The following KLF12 variants were observed in gnomAD, a reference collection of about 807,000 sequenced individuals.
The protein encoded by KLF12 is Krueppel-like factor 12.
KLF12 carries 9 observed loss-of-function variants against 37.8 expected under a neutral mutation model. The ratio of observed to expected loss-of-function variants is 0.24; its 90% CI spans 0.14 to 0.42. The LOEUF is 0.42. Ranked by LOEUF, KLF12 falls within the 10% of genes least tolerant of loss-of-function variation. The probability of loss-of-function intolerance (pLI) is 1.00; values close to 1 mark genes in which losing one functional copy is unlikely to be tolerated. For synonymous variants in KLF12, 208 were observed against 202.1 expected (o/e 1.03, Z -0.25); for missense variants, 411 against 516.0 (o/e 0.80, Z 1.97).
chr13:73,717,510 G>T (rs774824804), intron 6 of KLF12, among the ~76,000 whole-genome samples: 3 of 152,134 alleles, frequency 2.0e-5, no homozygotes, highest in African/African-American at 7.2e-5. Flanking sequence ...TTCTGCACAC[G>T]TGTCTTCAGA....
At chr13:74,220,719 C>T in the KLF12 span, among the ~76,000 whole-genome samples, 7 of 152,314 alleles carry the variant, frequency 4.6e-5, no homozygotes, top group Non-Finnish European at 8.8e-5. Context: ...CTCCTCTCTG[C>T]TTCTATGAAA....
chr13:74,210,905 G>T, the KLF12 span, among the ~76,000 whole-genome samples: 1 of 152,020 alleles, frequency 6.6e-6, no homozygotes, highest in Non-Finnish European at 1.5e-5. Flanking sequence ...TTTCAATCTG[G>T]CTTTCACATT....
chr13:73,700,619 C>T (rs991292214), intron 7 of KLF12, among the ~76,000 whole-genome samples: 21 of 151,874 alleles, frequency 1.4e-4, no homozygotes, highest in South Asian at 2.1e-4. Context: ...ATTCTCTCCT[C>T]AAAATTAGAG....
intron 5 of KLF12, among the ~76,000 whole-genome samples, chr13:73,769,477 T>C (rs1231663483): frequency 6.6e-6 from 1 of 152,174 alleles, no homozygotes; most frequent in East Asian, 1.9e-4. Flanking sequence ...CCTCCTCTCA[T>C]TCTTTCAAAC....
At chr13:74,090,511 C>T (rs1027779945) in intron 1 of KLF12, among the ~76,000 whole-genome samples, 3 of 152,112 alleles carry the variant, frequency 2.0e-5, no homozygotes, top group Non-Finnish European at 4.4e-5. Flanking sequence ...CTATCAAAAT[C>T]GACAAGCTGA....
At chr13:73,978,930 T>C (rs2138163624) in intron 2 of KLF12, among the ~76,000 whole-genome samples, 1 of 152,322 alleles carries the variant, frequency 6.6e-6, no homozygotes, top group South Asian at 2.1e-4. Context: ...CTACACACTA[T>C]TATAATTCCA....
At chr13:74,057,967 ATT>A (rs11418994) in intron 1 of KLF12, among the ~76,000 whole-genome samples, 34 of 141,656 alleles carry the variant, frequency 2.4e-4, no homozygotes, top group African/African-American at 4.9e-4. Flanking sequence ...TAGCTATGTA[ATT>A]TTTTTTTTTT....
At chr13:74,260,559 TAA>T in the KLF12 span, among the ~76,000 whole-genome samples, 10 of 88,176 alleles carry the variant, frequency 1.1e-4, no homozygotes, top group African/African-American at 7.0e-4. Context: ...GTTTCTAAAA[TAA>T]AATAAAATAA....
intron 3 of KLF12, among the ~76,000 whole-genome samples, chr13:73,939,246 CCT>C (rs1275025056): frequency 2.6e-5 from 4 of 152,124 alleles, no homozygotes; most frequent in Non-Finnish European, 5.9e-5. Context: ...TTCAGGTCTC[CCT>C]CTGAGTCCTC....
At chr13:73,841,130 G>C (rs1000890375) in intron 4 of KLF12, among the ~76,000 whole-genome samples, 4 of 152,200 alleles carry the variant, frequency 2.6e-5, no homozygotes, top group African/African-American at 9.6e-5. Flanking sequence ...GTCCCTGACA[G>C]TAGGGACTTG....
In KLF12 at chr13:73,951,974, A is replaced by G. The variant is rs76406414; in HGVS notation, c.34-7904T>C. ...ATATCTGTTGGACTAATAAAAAAAT[A>G]TAAGATCCAATCATTCTCCAGGATC... On this transcript the variant is annotated intron_variant, in intron 2 of 7. Transcript: ENST00000377669. Among the ~76,000 whole-genome samples, 749 of 152,362 alleles carry G rather than the reference A, an allele frequency of 4.9e-3. 6 individuals carry two copies. The highest frequency in any genetic ancestry group is 0.017 in the African/African-American group (701 of 41,584).
chr13:74,260,919 G>A, the KLF12 span, among the ~76,000 whole-genome samples: 1 of 152,088 alleles, frequency 6.6e-6, no homozygotes, highest in Non-Finnish European at 1.5e-5. Context: ...AATGAAAAAA[G>A]CAAACTAAAT....
chr13:73,707,259 T>C (rs763849263), intron 7 of KLF12, among the ~76,000 whole-genome samples: 2 of 152,164 alleles, frequency 1.3e-5, no homozygotes, highest in Non-Finnish European at 2.9e-5. Flanking sequence ...GGGATTTACA[T>C]GTGTGATGAG....
At chr13:73,749,155 A>G (rs1228529895) in intron 6 of KLF12, among the ~76,000 whole-genome samples, 1 of 152,212 alleles carries the variant, frequency 6.6e-6, no homozygotes, top group Non-Finnish European at 1.5e-5. Context: ...GCCCTCAGAA[A>G]GATAAATGGT....
At chr13:74,055,895 C>T (rs1303209720) in intron 1 of KLF12, among the ~76,000 whole-genome samples, 1 of 152,168 alleles carries the variant, frequency 6.6e-6, no homozygotes, top group African/African-American at 2.4e-5. Context: ...GATATCAAAA[C>T]AACCCCAAGA....
intron 1 of KLF12, among the ~76,000 whole-genome samples, chr13:74,110,700 T>A (rs1007630416): frequency 1.1e-4 from 17 of 152,280 alleles, no homozygotes; most frequent in Admixed American, 9.2e-4. Context: ...TCACAGCTGG[T>A]TGGTCTCGGT....
chr13:73,963,126 G>A (rs1421430303), intron 2 of KLF12, among the ~76,000 whole-genome samples: 1 of 152,074 alleles, frequency 6.6e-6, no homozygotes, highest in East Asian at 1.9e-4. Flanking sequence ...AAAGAAAATT[G>A]CTATCTGGTA....
chr13:74,064,750 C>T (rs1172781017), intron 1 of KLF12, among the ~76,000 whole-genome samples: 1 of 152,140 alleles, frequency 6.6e-6, no homozygotes, highest in South Asian at 2.1e-4. Flanking sequence ...TACTAACCAT[C>T]AAATTTTAGA....
At position 74,072,399 on chromosome 13, in the gene KLF12, AT is replaced by A. The variant is rs1566198848; in HGVS notation, c.-32+61339del. On this transcript the variant is annotated intron_variant, in intron 1 of 7. Transcript: ENST00000377669. Reference sequence around the variant, plus strand: ...TATATATATATATATATATATATATATATATATAAAAGATTATCTACAAGAA... The same window carrying A: ...TATATATATATATATATATATATATAATATATAAAAGATTATCTACAAGAA... 4.3e-4 allele frequency among the ~76,000 whole-genome samples: 56 copies of A among 130,968 alleles called. No homozygotes were observed. In the East Asian group the frequency reaches 6.4e-3, roughly 15 times the overall value. The allele number at this position is 130,968 out of a possible 152,430, so 85.9% of individuals were successfully genotyped here. A position where few individuals can be genotyped will look rare whatever the true frequency, so the allele number is the denominator to read the frequency against.
Sources: allele counts gnomAD v4.1 joint callset (sites outside exome capture counted in the v4.1 genomes callset), GRCh38; gene constraint gnomAD v4.1.1; transcripts MANE v1.5; gene names NCBI Gene and HGNC (gene_info 2026-07-23, HGNC 2026-07-21).